The following SLC35D1 variants were observed in gnomAD, a reference collection of about 807,000 sequenced individuals.
SLC35D1 encodes the protein solute carrier family 35 member D1.
Under a neutral mutation model 46.7 loss-of-function variants are expected in SLC35D1, and 31 were observed. The observed-to-expected ratio is 0.66, with a 90% CI of 0.50 to 0.90. The LOEUF (loss-of-function observed/expected upper bound fraction) is 0.90, where lower values mean the gene tolerates loss of function less well. Among genes scored for constraint, SLC35D1 ranks in the 40% least tolerant of loss-of-function variants. The probability of loss-of-function intolerance (pLI) is 0.00; values close to 1 mark genes in which losing one functional copy is unlikely to be tolerated. For synonymous variants in SLC35D1, 195 were observed against 164.6 expected (o/e 1.18, Z -1.41); for missense variants, 397 against 426.2 (o/e 0.93, Z 0.60).
intron 10 of SLC35D1, among the ~76,000 whole-genome samples, chr1:67,019,471 G>C (rs1274092846): frequency 6.6e-6 from 1 of 152,196 alleles, no homozygotes; most frequent in African/African-American, 2.4e-5. Context: ...TGAAACCACA[G>C]ACTTTCTGGA....
chr1:66,980,317 A>G, the SLC35D1 span, among the ~76,000 whole-genome samples: 7 of 152,324 alleles, frequency 4.6e-5, no homozygotes, highest in African/African-American at 1.7e-4. Flanking sequence ...AAGACCATCT[A>G]ATTGAATTCC....
intron 10 of SLC35D1, among the ~76,000 whole-genome samples, chr1:67,014,762 T>C (rs1667646620): frequency 6.8e-6 from 1 of 146,684 alleles, no homozygotes; most frequent in Non-Finnish European, 1.5e-5. Context: ...GAACTGTTAC[T>C]TCTATAATAT....
intron 8 of SLC35D1, among the ~76,000 whole-genome samples, chr1:67,035,579 C>G (rs1033271849): frequency 6.6e-6 from 1 of 151,690 alleles, no homozygotes; most frequent in African/African-American, 2.4e-5. Flanking sequence ...TGGGTCTTCT[C>G]TCTTTTTTTC....
At chr1:66,985,836 T>G in the SLC35D1 span, 1 of 657,674 alleles carries the variant, frequency 1.5e-6, no homozygotes, top group Non-Finnish European at 1.8e-6. Flanking sequence ...TTTTTTTTTT[T>G]TAAATTTCTA....
the SLC35D1 span, among the ~76,000 whole-genome samples, chr1:66,989,237 T>A: frequency 2.0e-5 from 3 of 152,146 alleles, no homozygotes; most frequent in African/African-American, 7.2e-5. Context: ...TTTCTGAAGT[T>A]TGGAAGAGAG....
chr1:67,051,917 C>T, intron 4 of SLC35D1, 95 bp downstream of exon 4: 2 of 890,098 alleles, frequency 2.2e-6, no homozygotes, highest in South Asian at 1.5e-5. Context: ...CATTTTTTTC[C>T]AGAATCAATA....
At chr1:67,053,706 T>C (rs1200607253) in intron 1 of SLC35D1, 105 bp downstream of exon 1, 19 of 1,145,506 alleles carry the variant, frequency 1.7e-5, no homozygotes, top group East Asian at 3.5e-5. Context: ...CGCCCAACTT[T>C]GTTCGGCTTT....
At chr1:66,986,314 T>C in the SLC35D1 span, 4 of 1,521,526 alleles carry the variant, frequency 2.6e-6, no homozygotes, top group Non-Finnish European at 3.5e-6. Flanking sequence ...GCTAAATTCT[T>C]GTTAAATAAT....
At chr1:66,992,359 A>G in the SLC35D1 span, among the ~76,000 whole-genome samples, 2 of 152,208 alleles carry the variant, frequency 1.3e-5, no homozygotes, top group Non-Finnish European at 2.9e-5. Flanking sequence ...CCTGTATAGC[A>G]GCAACAACAG....
intron 10 of SLC35D1, among the ~76,000 whole-genome samples, chr1:67,015,974 A>G (rs1387917586): frequency 6.6e-6 from 1 of 152,146 alleles, no homozygotes; most frequent in Non-Finnish European, 1.5e-5. Flanking sequence ...AAAATTTCAA[A>G]TTCAGTTTTT....
chr1:67,033,601 G>A (rs1240392127), intron 8 of SLC35D1, among the ~76,000 whole-genome samples: 5 of 152,070 alleles, frequency 3.3e-5, no homozygotes, highest in Non-Finnish European at 1.5e-5. Flanking sequence ...CTATAGAGCT[G>A]TTTTTCAAAT....
chr1:66,975,692 CATT>C, the SLC35D1 span, among the ~76,000 whole-genome samples: 2 of 152,100 alleles, frequency 1.3e-5, no homozygotes, highest in Non-Finnish European at 2.9e-5. Flanking sequence ...AGGCATTTAA[CATT>C]ATGTGAGGGG....
At chr1:67,032,447 G>A (rs767294696) in intron 8 of SLC35D1, among the ~76,000 whole-genome samples, 1 of 151,986 alleles carries the variant, frequency 6.6e-6, no homozygotes, top group African/African-American at 2.4e-5. Flanking sequence ...TTGGGAGGCC[G>A]AAGTAGGCGG....
intron 10 of SLC35D1, among the ~76,000 whole-genome samples, chr1:67,019,384 A>G (rs1040316936): frequency 2.0e-5 from 3 of 152,204 alleles, no homozygotes; most frequent in Non-Finnish European, 4.4e-5. Context: ...CTAGCTTTCT[A>G]AAGGAATTCA....
At chr1:67,053,068 C>T in intron 1 of SLC35D1, 79 bp from the exon 2 acceptor site, 1 of 1,498,996 alleles carries the variant, frequency 6.7e-7, no homozygotes, top group African/African-American at 1.4e-5. Flanking sequence ...ACATCGGCAA[C>T]GTTAATAAGG....
chr1:67,044,297 C>T (rs1316159098), intron 7 of SLC35D1, among the ~76,000 whole-genome samples: 2 of 148,078 alleles, frequency 1.4e-5, no homozygotes, highest in Non-Finnish European at 3.0e-5. Flanking sequence ...TGTGCCACTG[C>T]ACTCCAGGCT....
chr1:67,013,170 C>CGTATATATATATATATATAT (rs1558151602), intron 10 of SLC35D1, among the ~76,000 whole-genome samples: 2 of 5,870 alleles, frequency 3.4e-4, no homozygotes, highest in African/African-American at 2.7e-3. Flanking sequence ...ATATATATAT[C>CGTATATATATATATATATAT]CTGTTCTTAA....
At chr1:66,997,517 A>ATATATATATAT (rs1319900394), downstream of SLC35D1, among the ~76,000 whole-genome samples, 116 of 24,116 alleles carry the variant, frequency 4.8e-3, no homozygotes, top group South Asian at 0.019. Flanking sequence ...AAAAAAAAAA[A>ATATATATATAT]AAATATATAT....
intron 8 of SLC35D1, among the ~76,000 whole-genome samples, chr1:67,037,126 T>C (rs1242324045): frequency 1.3e-5 from 2 of 152,154 alleles, no homozygotes; most frequent in Admixed American, 1.3e-4. Flanking sequence ...TTGTTTCTCT[T>C]GATATCTTAT....
Sources: allele counts gnomAD v4.1 joint callset (sites outside exome capture counted in the v4.1 genomes callset), GRCh38; gene constraint gnomAD v4.1.1; transcripts MANE v1.5; gene names NCBI Gene and HGNC (gene_info 2026-07-23, HGNC 2026-07-21).